SCMH1: variants seen among roughly 807,000 people sequenced by gnomAD.
The protein encoded by SCMH1 is polycomb protein SCMH1.
In SCMH1, 37 loss-of-function variants were observed where a neutral mutation model predicts 70.8. The observed-to-expected ratio is 0.52, with a 90% CI of 0.40 to 0.69. SCMH1 has a LOEUF of 0.69. Ranked by LOEUF, SCMH1 falls within the 30% of genes least tolerant of loss-of-function variation. The pLI, the probability that SCMH1 is intolerant of heterozygous loss-of-function variation, is 0.00. For synonymous variants in SCMH1, 292 were observed against 307.4 expected (o/e 0.95, Z 0.52); for missense variants, 607 against 827.3 (o/e 0.73, Z 3.27).
intron 1 of SCMH1, among the ~76,000 whole-genome samples, chr1:41,225,340 C>A (rs1660055951): frequency 6.6e-6 from 1 of 152,060 alleles, no homozygotes; most frequent in African/African-American, 2.4e-5. Context: ...AGGAGGCAGT[C>A]ATATAGTTTG....
exon 13 of SCMH1, chr1:41,037,373 A>G: frequency 6.2e-7 from 1 of 1,614,068 alleles, no homozygotes. Flanking sequence ...CCTGGAGCAT[A>G]GCCTGCGCAC....
chr1:41,193,526 G>C (rs192590745), intron 1 of SCMH1, among the ~76,000 whole-genome samples: 1,824 of 146,222 alleles, frequency 0.012, 16 homozygotes, highest in Non-Finnish European at 0.019. Flanking sequence ...CCAGGGGTTG[G>C]GGGGGGGTTG....
chr1:41,164,038 A>G (rs1646248122), intron 2 of SCMH1, among the ~76,000 whole-genome samples: 1 of 152,144 alleles, frequency 6.6e-6, no homozygotes, highest in South Asian at 2.1e-4. Flanking sequence ...CTTTCTCACC[A>G]TCAATCACCT....
chr1:41,145,647 T>C (rs1200294784), intron 5 of SCMH1, among the ~76,000 whole-genome samples: 2 of 152,296 alleles, frequency 1.3e-5, no homozygotes, highest in Non-Finnish European at 2.9e-5. Context: ...ATTTGGAAAA[T>C]AATGCTGTCA....
At chr1:41,061,165 T>A (rs188663710) in intron 10 of SCMH1, among the ~76,000 whole-genome samples, 552 of 152,316 alleles carry the variant, frequency 3.6e-3, no homozygotes, top group Non-Finnish European at 6.5e-3. Flanking sequence ...TAGTTTATAG[T>A]TTAAACGATA....
intron 11 of SCMH1, among the ~76,000 whole-genome samples, chr1:41,047,751 C>G (rs559411571): frequency 3.3e-5 from 5 of 152,308 alleles, no homozygotes; most frequent in African/African-American, 1.2e-4. Flanking sequence ...CCATCCTCCT[C>G]ACAGCCAAGT....
chr1:41,206,932 G>A (rs528807436), intron 1 of SCMH1, among the ~76,000 whole-genome samples: 18 of 152,178 alleles, frequency 1.2e-4, no homozygotes, highest in South Asian at 4.2e-4. Context: ...TTCATATCCC[G>A]CCAAACTAAG....
At chr1:41,232,120 G>C (rs1193484064) in intron 1 of SCMH1, among the ~76,000 whole-genome samples, 1 of 151,978 alleles carries the variant, frequency 6.6e-6, no homozygotes, top group Non-Finnish European at 1.5e-5. Context: ...TGGGGAGGAA[G>C]AGATCTTAGG....
chr1:41,088,473 T>C (rs963047336), intron 8 of SCMH1, among the ~76,000 whole-genome samples: 1 of 152,124 alleles, frequency 6.6e-6, no homozygotes, highest in East Asian at 1.9e-4. Flanking sequence ...CTCAACTATA[T>C]TTTATTTTTT....
intron 1 of SCMH1, among the ~76,000 whole-genome samples, chr1:41,208,530 C>G (rs960292653): frequency 3.9e-5 from 6 of 152,096 alleles, no homozygotes; most frequent in Non-Finnish European, 7.4e-5. Context: ...CAAACTGTCT[C>G]TCAGACCACA....
chr1:41,177,756 C>T (rs1363974831), intron 2 of SCMH1, among the ~76,000 whole-genome samples: 9 of 152,124 alleles, frequency 5.9e-5, no homozygotes, highest in South Asian at 2.1e-4. Flanking sequence ...ACCAAATCTA[C>T]GTCTGATTGG....
chr1:41,114,557 C>T (rs547699170), intron 7 of SCMH1, among the ~76,000 whole-genome samples: 3 of 152,096 alleles, frequency 2.0e-5, no homozygotes, highest in Non-Finnish European at 4.4e-5. Context: ...ACTGGAATTA[C>T]AACGAATTTA....
intron 1 of SCMH1, among the ~76,000 whole-genome samples, chr1:41,187,298 C>G (rs532971054): frequency 1.2e-4 from 18 of 151,058 alleles, no homozygotes; most frequent in Non-Finnish European, 2.4e-4. Flanking sequence ...CCCATCTCTA[C>G]TAAAAATACA....
chr1:41,184,245 G>T (rs1176228733), intron 2 of SCMH1, among the ~76,000 whole-genome samples: 8 of 152,122 alleles, frequency 5.3e-5, no homozygotes, highest in African/African-American at 1.9e-4. Flanking sequence ...ACCAGGCCGA[G>T]TGCCAGGCAT....
chr1:41,071,768 T>A (rs1656604734), intron 9 of SCMH1, among the ~76,000 whole-genome samples: 1 of 152,076 alleles, frequency 6.6e-6, no homozygotes, highest in South Asian at 2.1e-4. Context: ...GCTCAAGCGA[T>A]CCTCCCACCT....
intron 1 of SCMH1, among the ~76,000 whole-genome samples, chr1:41,217,787 G>A (rs1277196701): frequency 6.6e-6 from 1 of 152,306 alleles, no homozygotes; most frequent in Middle Eastern, 3.4e-3. Flanking sequence ...TAAAGTGGTA[G>A]GGCCACCCCA....
At chr1:41,161,119 G>C (rs562922201) in intron 3 of SCMH1, among the ~76,000 whole-genome samples, 1 of 152,270 alleles carries the variant, frequency 6.6e-6, no homozygotes, top group South Asian at 2.1e-4. Flanking sequence ...AACCCAGAGA[G>C]GCTAAGCAAC....
At chr1:41,155,704 G>A (rs1043506425) in intron 4 of SCMH1, among the ~76,000 whole-genome samples, 2 of 152,052 alleles carry the variant, frequency 1.3e-5, no homozygotes, top group African/African-American at 4.8e-5. Context: ...CATTTGGGCC[G>A]GGCGCAGTAG....
chr1:41,065,683 TGACAAAGGAGTAAA>T (rs1654351182), intron 10 of SCMH1, among the ~76,000 whole-genome samples: 2 of 152,146 alleles, frequency 1.3e-5, no homozygotes, highest in African/African-American at 4.8e-5. Context: ...AGCTTATCTT[TGACAAAGGAGTAAA>T]GGCAATACAA....
Sources: allele counts gnomAD v4.1 joint callset (sites outside exome capture counted in the v4.1 genomes callset), GRCh38; gene constraint gnomAD v4.1.1; transcripts MANE v1.5; gene names NCBI Gene and HGNC (gene_info 2026-07-23, HGNC 2026-07-21).